Variants in TTC28 observed in about 807,000 individuals in gnomAD.
TTC28 encodes tetratricopeptide repeat domain 28.
In TTC28, 61 loss-of-function variants were observed where a neutral mutation model predicts 198.0. The ratio of observed to expected loss-of-function variants is 0.31; its 90% confidence interval spans 0.25 to 0.38. TTC28 has a LOEUF of 0.38. TTC28 is among the 10% of genes least tolerant of loss of function. The pLI is 1.00. For synonymous variants in TTC28, 1,171 were observed against 1,297.8 expected (o/e 0.90, Z 2.10); for missense variants, 2,678 against 3,164.0 (o/e 0.85, Z 3.69).
intron 6 of TTC28, among the ~76,000 whole-genome samples, chr22:28,149,290 G>A (rs1224217239): frequency 1.3e-5 from 2 of 152,198 alleles, no homozygotes; most frequent in East Asian, 1.9e-4. Context: ...GTATGTGGAG[G>A]AGATATCTGC....
chr22:28,105,186 T>A, intron 8 of TTC28, 93 bp downstream of exon 8: 1 of 1,378,940 alleles, frequency 7.3e-7, no homozygotes, highest in Non-Finnish European at 9.8e-7. Context: ...AGGTGGCCAT[T>A]CAAACTGTGC....
chr22:28,618,365 G>A (rs1307441862), intron 2 of TTC28, among the ~76,000 whole-genome samples: 1 of 151,760 alleles, frequency 6.6e-6, no homozygotes, highest in Non-Finnish European at 1.5e-5. Context: ...GTGGACACAA[G>A]TGCAAACCAA....
chr22:28,503,674 T>C (rs960478170), intron 2 of TTC28, among the ~76,000 whole-genome samples: 2 of 152,248 alleles, frequency 1.3e-5, no homozygotes, highest in Admixed American at 6.5e-5. Context: ...TTTAATATTG[T>C]CTTTAGCCAA....
chr22:28,151,563 T>C (rs1178077662), intron 6 of TTC28, among the ~76,000 whole-genome samples: 1 of 152,204 alleles, frequency 6.6e-6, no homozygotes, highest in Non-Finnish European at 1.5e-5. Context: ...AATCTTGACC[T>C]AAAGGAGAGA....
intron 11 of TTC28, among the ~76,000 whole-genome samples, chr22:28,095,350 G>C (rs897337391): frequency 6.6e-6 from 1 of 152,068 alleles, no homozygotes; most frequent in African/African-American, 2.4e-5. Context: ...AAGCATCTGG[G>C]AGCTGTCATC....
chr22:28,245,951 C>T (rs1930061402), intron 5 of TTC28, among the ~76,000 whole-genome samples: 1 of 152,158 alleles, frequency 6.6e-6, no homozygotes, highest in South Asian at 2.1e-4. Context: ...GCTATTACTT[C>T]ATCTGAAATG....
chr22:28,315,558 T>C (rs1204113234), intron 2 of TTC28, among the ~76,000 whole-genome samples: 2 of 152,216 alleles, frequency 1.3e-5, no homozygotes, highest in East Asian at 1.9e-4. Context: ...AATTCTTATA[T>C]AAGGTGCAAA....
Position 28,658,039 on chromosome 22 carries a change from G to A in TTC28, c.102+21583C>T, listed in dbSNP as rs78556648. Among the ~76,000 whole-genome samples the A allele has an allele frequency of 8.1e-3, 1,233 of 152,106 alleles. 20 individuals carry two copies. The highest frequency in any genetic ancestry group is 0.028 in the African/African-American group (1,174 of 41,490). The stretch of plus-strand genomic sequence containing the variant: ...GAATTTTTTACTTTCTTACAATATT[G>A]TTAAACATAATAATATGCATTTCTA... On this transcript the variant is annotated intron_variant, in intron 1 of 22. Coordinates refer to ENST00000397906, the MANE Select transcript of TTC28 (RefSeq NM_001145418.2).
chr22:28,536,420 C>T (rs1029938171), intron 2 of TTC28, among the ~76,000 whole-genome samples: 2 of 151,340 alleles, frequency 1.3e-5, no homozygotes, highest in African/African-American at 2.4e-5. Flanking sequence ...GTCAGGAGAT[C>T]GAGACCATCC....
At chr22:28,188,199 G>A (rs1924388698) in intron 5 of TTC28, among the ~76,000 whole-genome samples, 2 of 152,016 alleles carry the variant, frequency 1.3e-5, no homozygotes, top group Admixed American at 1.3e-4. Flanking sequence ...TAAAATAATA[G>A]TGATAAAAAA....
chr22:28,031,944 C>T (rs1939098184), intron 12 of TTC28, among the ~76,000 whole-genome samples: 1 of 151,784 alleles, frequency 6.6e-6, no homozygotes, highest in Non-Finnish European at 1.5e-5. Context: ...TCTTTCTGCA[C>T]TGTCACCAAC....
At chr22:28,409,315 T>C (rs988685679) in intron 2 of TTC28, among the ~76,000 whole-genome samples, 2 of 152,196 alleles carry the variant, frequency 1.3e-5, no homozygotes, top group African/African-American at 4.8e-5. Context: ...AATCTCTTAT[T>C]TGATGCCAAA....
chr22:28,065,861 T>C (rs1940726106), intron 12 of TTC28, among the ~76,000 whole-genome samples: 1 of 152,212 alleles, frequency 6.6e-6, no homozygotes, highest in Admixed American at 6.5e-5. Context: ...GCTAAAACCT[T>C]GTCTCCCTGA....
rs1466149603 is a variant in TTC28 at position 27,990,661 on chromosome 22, C to CGCCGCAGCCCGTGTGGCT, written c.5577+110_5577+127dup. The CGCCGCAGCCCGTGTGGCT allele has an allele frequency of 2.6e-5, 22 of 839,240 alleles. No homozygotes were observed. In the East Asian group the frequency reaches 6.0e-4, roughly 23 times the overall value. 52.0% of individuals were successfully genotyped at this position (839,240 alleles called of 1,614,324 possible). A position where few individuals can be genotyped will look rare whatever the true frequency, so the allele number is the denominator to read the frequency against. On this transcript the variant is annotated intron_variant, in intron 20 of 22. Coordinates refer to ENST00000397906, the MANE Select transcript of TTC28 (RefSeq NM_001145418.2). ...CAGCAGCAGTGCGCACCCGCGGGGG[C>CGCCGCAGCCCGTGTGGCT]GCCGCAGCCCGTGTGGCTCCGTTTG...
chr22:28,178,301 C>CAAAAA (rs71194755), intron 5 of TTC28, among the ~76,000 whole-genome samples: 1 of 137,238 alleles, frequency 7.3e-6, no homozygotes, highest in African/African-American at 2.7e-5. Context: ...CTAATAAATA[C>CAAAAA]AAAAAAAAAA....
chr22:28,309,080 T>C (rs2045203393), intron 2 of TTC28, among the ~76,000 whole-genome samples: 1 of 152,126 alleles, frequency 6.6e-6, no homozygotes, highest in Non-Finnish European at 1.5e-5. Flanking sequence ...AAAACCTAGA[T>C]TGTAAGTTAT....
In TTC28 at chr22:28,014,178, C is replaced by G. The variant is rs545158588; in HGVS notation, c.4218+70G>C. ...CCCATTTTGGTGTCTAAGAGGGATACATGTGGGCGCTGACTGGTAAGCGAT... is the reference window on the plus strand; with the variant it reads ...CCCATTTTGGTGTCTAAGAGGGATAGATGTGGGCGCTGACTGGTAAGCGAT... On this transcript the variant is annotated intron_variant, in intron 14 of 22. Coordinates refer to ENST00000397906, the MANE Select transcript of TTC28 (RefSeq NM_001145418.2). The G allele has an allele frequency of 9.2e-4, 1,367 of 1,486,474 alleles. 2 individuals are homozygous for G. Among genetic ancestry groups the G allele is most frequent in the Middle Eastern group, 4.9e-3 (28 of 5,686 alleles). The allele number at this position is 1,486,474 out of a possible 1,614,324, so 92.1% of individuals were successfully genotyped here. A position where few individuals can be genotyped will look rare whatever the true frequency, so the allele number is the denominator to read the frequency against.
chr22:28,604,478 T>A (rs2146129372), intron 2 of TTC28, among the ~76,000 whole-genome samples: 1 of 150,636 alleles, frequency 6.6e-6, no homozygotes, highest in Middle Eastern at 3.4e-3. Context: ...GCACAGTGGC[T>A]CACGCCTGTA....
rs140966603 is a variant in TTC28 at position 28,579,698 on chromosome 22, T to C, written c.381+49854A>G. Among the ~76,000 whole-genome samples the C allele has an allele frequency of 3.9e-3, 592 of 151,668 alleles. 8 individuals are homozygous for C. In the South Asian group the frequency reaches 0.046, roughly 12 times the overall value. ...AAAAAAACCGAAGGGCTGAGCACAG[T>C]GGCTCACGCCTATAATCCCAGCACT... On this transcript the variant is annotated intron_variant, in intron 2 of 22. Coordinates refer to ENST00000397906, the MANE Select transcript of TTC28 (RefSeq NM_001145418.2).
Sources: allele counts gnomAD v4.1 joint callset (sites outside exome capture counted in the v4.1 genomes callset), GRCh38; gene constraint gnomAD v4.1.1; transcripts MANE v1.5; gene names NCBI Gene and HGNC (gene_info 2026-07-23, HGNC 2026-07-21).